Variants in SEC31A observed in about 807,000 individuals in gnomAD.
SEC31A encodes protein transport protein Sec31A.
Under a neutral mutation model 151.0 loss-of-function variants are expected in SEC31A, and 70 were observed. The ratio of observed to expected loss-of-function variants is 0.46; its 90% CI spans 0.38 to 0.57. The LOEUF is 0.57. Ranked by LOEUF, SEC31A falls within the 20% of genes least tolerant of loss-of-function variation. SEC31A has a pLI of 0.00. For missense variants in SEC31A, 1,330 were observed against 1,471.2 expected (o/e 0.90, Z 1.57); for synonymous variants, 475 against 505.9 (o/e 0.94, Z 0.82).
chr4:82,826,890 T>G (rs910901621), intron 24 of SEC31A, among the ~76,000 whole-genome samples: 1 of 152,248 alleles, frequency 6.6e-6, no homozygotes, highest in Non-Finnish European at 1.5e-5. Flanking sequence ...ATGTGTTAGA[T>G]TTTTCAATAT....
intron 19 of SEC31A, among the ~76,000 whole-genome samples, chr4:82,850,915 G>GT (rs971807910): frequency 6.6e-6 from 1 of 152,192 alleles, no homozygotes; most frequent in African/African-American, 2.4e-5. Context: ...TGTGCAATAA[G>GT]TAAGGACAAT....
At chr4:82,891,270 A>G (rs554821785), upstream of SEC31A, 4 of 1,219,300 alleles carry the variant, frequency 3.3e-6, no homozygotes, top group Admixed American at 6.5e-5. Flanking sequence ...TTCCCCGCCC[A>G]CCCGACGCAC....
chr4:82,833,960 T>C (rs1158914954), intron 22 of SEC31A, among the ~76,000 whole-genome samples: 2 of 152,220 alleles, frequency 1.3e-5, no homozygotes, highest in East Asian at 1.9e-4. Flanking sequence ...GCAATTCTAA[T>C]GTTTACTGAC....
upstream of SEC31A, among the ~76,000 whole-genome samples, chr4:82,891,522 G>A (rs1339293095): frequency 6.6e-6 from 1 of 152,246 alleles, no homozygotes; most frequent in African/African-American, 2.4e-5. Context: ...CTAGTCCTGT[G>A]AGGCGTCGGC....
chr4:82,833,907 G>T (rs13146180), intron 22 of SEC31A, among the ~76,000 whole-genome samples: 31,617 of 152,158 alleles, frequency 0.21, 3,393 homozygotes, highest in South Asian at 0.34. Flanking sequence ...AACTGTGAGG[G>T]GGGAGAGGTA....
intron 18 of SEC31A, among the ~76,000 whole-genome samples, chr4:82,852,428 T>C (rs1731655559): frequency 6.6e-6 from 1 of 152,220 alleles, no homozygotes; most frequent in South Asian, 2.1e-4. Flanking sequence ...TCATGTGCCA[T>C]TCAATACCAA....
chr4:82,890,437 A>T (rs1742081748), intron 1 of SEC31A, among the ~76,000 whole-genome samples: 1 of 152,206 alleles, frequency 6.6e-6, no homozygotes, highest in African/African-American at 2.4e-5. Flanking sequence ...CCTACGTAAA[A>T]TTAATTCCTT....
intron 22 of SEC31A, among the ~76,000 whole-genome samples, chr4:82,834,119 A>G: frequency 6.6e-6 from 1 of 152,218 alleles, no homozygotes. Context: ...GTGAGATATG[A>G]CTTCATAACA....
chr4:82,821,006 T>C (rs1723189835), intron 26 of SEC31A, 31 bp downstream of exon 26: 1 of 1,568,492 alleles, frequency 6.4e-7, no homozygotes, highest in African/African-American at 1.4e-5. Context: ...GAATAAATGA[T>C]TATCATAAAT....
chr4:82,886,624 T>C (rs1740773401), intron 1 of SEC31A, among the ~76,000 whole-genome samples: 1 of 152,190 alleles, frequency 6.6e-6, no homozygotes, highest in Admixed American at 6.5e-5. Context: ...CTCCTCTTCT[T>C]CCTCTTTGCC....
intron 20 of SEC31A, chr4:82,845,052 T>A (rs1729757305): frequency 1.9e-6 from 1 of 521,988 alleles, no homozygotes; most frequent in Non-Finnish European, 3.3e-6. Context: ...AAAAACTGCT[T>A]CTTGCATCCT....
intron 4 of SEC31A, among the ~76,000 whole-genome samples, chr4:82,876,221 C>T (rs373393130): frequency 1.3e-5 from 2 of 151,792 alleles, no homozygotes; most frequent in African/African-American, 4.8e-5. Flanking sequence ...AGTGATTCTC[C>T]TGCCTCAGCC....
At chr4:82,820,843 AAC>A (rs144442434) in intron 26 of SEC31A, among the ~76,000 whole-genome samples, 192 bp downstream of exon 26, 2 of 151,128 alleles carry the variant, frequency 1.3e-5, no homozygotes, top group Admixed American at 6.6e-5. Context: ...CACCCACACA[AAC>A]ACACACACAC....
intron 10 of SEC31A, 54 bp downstream of exon 10, chr4:82,866,754 T>G: frequency 6.7e-7 from 1 of 1,496,438 alleles, no homozygotes; most frequent in Non-Finnish European, 9.0e-7. Context: ...ATAATAACAC[T>G]TTGGTATAAA....
Position 82,827,580 on chromosome 4 carries a change from G to A in SEC31A, c.3080C>T (p.Pro1027Leu), listed in dbSNP as rs745598375. 1.3e-5 allele frequency: 21 copies of A among 1,614,072 alleles called. No homozygotes were observed. The Admixed American group carries it at 1.5e-4, about 12-fold the overall frequency. The change falls in exon 24 of 27, where the codon CCG becomes CTG. Residue 1027 changes from proline (P) to leucine (L), a missense_variant. Transcript: ENST00000395310. ...CATTTGTGACTGGGGGTCACCCAAC[G>A]GGTTCATGATTGGTGATGTGATGGG... ...PVPITSPIMN[P>L]LGDPQSQMLQ...
chr4:82,866,102 G>C (rs925343052), intron 10 of SEC31A, among the ~76,000 whole-genome samples: 3 of 148,512 alleles, frequency 2.0e-5, no homozygotes, highest in African/African-American at 7.5e-5. Context: ...AAAAGAAAAA[G>C]AAGGGAGGGA....
intron 22 of SEC31A, among the ~76,000 whole-genome samples, chr4:82,841,925 G>A (rs1183401935): frequency 6.6e-6 from 1 of 151,366 alleles, no homozygotes; most frequent in East Asian, 1.9e-4. Context: ...TAAGCCGAGA[G>A]TGCACCACTG....
intron 20 of SEC31A, 107 bp downstream of exon 20, chr4:82,848,697 G>T: frequency 1.2e-6 from 1 of 850,298 alleles, no homozygotes; most frequent in Non-Finnish European, 1.8e-6. Context: ...ACAATATATT[G>T]TCTAGTTTTA....
At position 82,872,067 on chromosome 4, in the gene SEC31A, G is replaced by C. The variant is rs747401460; in HGVS notation, c.659C>G (p.Ala220Gly). 4 of 1,613,840 alleles carry C rather than the reference G, an allele frequency of 2.5e-6. No individual in the cohort carries two copies. The Admixed American group carries it at 6.7e-5, about 27-fold the overall frequency. Residue 220 changes from alanine to glycine, a missense_variant, in exon 7 of 27, where the codon GCA becomes GGA. Physicochemically the swap from Ala to Gly is moderately conservative, Grantham distance 60 (BLOSUM62 0). Transcript: ENST00000395310. ...HSNRMHCSGL[A>G]WHPDVATQMV... ...CTGAGTAGCAACATCAGGATGCCAT[G>C]CCAACCCAGAACAATGCATCTGAAG...
Sources: allele counts gnomAD v4.1 joint callset (sites outside exome capture counted in the v4.1 genomes callset), GRCh38; gene constraint gnomAD v4.1.1; transcripts MANE v1.5; gene names NCBI Gene and HGNC (gene_info 2026-07-23, HGNC 2026-07-21).